The following RFX8 variants were observed in gnomAD, a reference collection of about 807,000 sequenced individuals.
The protein encoded by RFX8 is regulatory factor X8.
In RFX8, 46 loss-of-function variants were observed where a neutral mutation model predicts 54.6. That is an observed-to-expected ratio of 0.84 (90% CI 0.67 to 1.08). RFX8 has a LOEUF of 1.08. Ranked by LOEUF, RFX8 falls within the 50% of genes least tolerant of loss-of-function variation. The pLI, the probability that RFX8 is intolerant of heterozygous loss-of-function variation, is 0.00. For synonymous variants in RFX8, 192 were observed against 209.5 expected (o/e 0.92, Z 0.72); for missense variants, 536 against 562.3 (o/e 0.95, Z 0.47).
chr2:101,406,434 C>T (rs985263723), intron 9 of RFX8, among the ~76,000 whole-genome samples: 22 of 148,006 alleles, frequency 1.5e-4, no homozygotes, highest in African/African-American at 5.2e-4. Flanking sequence ...TGGGCTTAAG[C>T]GATCTTCCCA....
intron 2 of RFX8, among the ~76,000 whole-genome samples, chr2:101,437,702 A>C (rs1687854804): frequency 6.6e-6 from 1 of 152,258 alleles, no homozygotes; most frequent in Admixed American, 6.5e-5. Context: ...CGATGGTTAC[A>C]TTTTACAAAA....
rs1490010880 is a variant in RFX8, at chr2:101,422,484, TTG to T, written c.73-14_73-13del. The T allele has an allele frequency of 7.1e-7, 1 of 1,413,716 alleles. No individual in the cohort carries two copies. Among genetic ancestry groups the T allele is most frequent in the Admixed American group, 2.0e-5 (1 of 50,804 alleles). The allele number at this position is 1,413,716 out of a possible 1,614,324, so 87.6% of individuals were successfully genotyped here. A position where few individuals can be genotyped will look rare whatever the true frequency, so the allele number is the denominator to read the frequency against. ...GAATGATCTTCACACTAAAAATCAT[TTG>T]TGCAATGGATTATGTCTTTAAAATA... On this transcript the variant is annotated splice_polypyrimidine_tract_variant and intron_variant, in intron 2 of 11. Coordinates refer to ENST00000428343, the MANE Select transcript of RFX8 (RefSeq NM_001145664.2).
intron 2 of RFX8, among the ~76,000 whole-genome samples, chr2:101,430,670 G>A (rs1019368671): frequency 6.6e-6 from 1 of 152,132 alleles, no homozygotes; most frequent in Non-Finnish European, 1.5e-5. Context: ...CCAGTCGGTG[G>A]TATTTTGTTA....
At position 101,474,876 on chromosome 2, in the gene RFX8, G is replaced by C. The variant is rs1353494708; in HGVS notation, c.-293C>G. Among the ~76,000 whole-genome samples, 3 of 151,272 alleles carry C rather than the reference G, an allele frequency of 2.0e-5. No individual in the cohort carries two copies. Among genetic ancestry groups the C allele is most frequent in the African/African-American group, 7.3e-5 (3 of 41,136 alleles). ...GTGCCCGCCGTTGCTGAAAACCACT[G>C]TCTCTAGGAGTTTTGAAAAATCTCG... On this transcript the variant is annotated 5_prime_UTR_variant, in exon 1 of 12. Transcript: ENST00000428343.
intron 2 of RFX8, among the ~76,000 whole-genome samples, chr2:101,454,748 G>T (rs535692940): frequency 1.0e-3 from 154 of 152,152 alleles, no homozygotes; most frequent in Non-Finnish European, 1.3e-3. Flanking sequence ...GGGGTTGTTT[G>T]TTTTTTTCTT....
At chr2:101,412,811 T>C (rs11689348) in intron 8 of RFX8, 104 bp downstream of exon 8, 331,522 of 1,115,596 alleles carry the variant, frequency 0.3, 50,893 homozygotes, top group South Asian at 0.4. Context: ...ATCGGAGTTA[T>C]AAAGTTCTAC....
intron 1 of RFX8, among the ~76,000 whole-genome samples, chr2:101,469,031 CGTATATATAT>C (rs1689758795): frequency 2.0e-4 from 3 of 15,324 alleles, no homozygotes; most frequent in African/African-American, 4.7e-4. Context: ...TATATATATA[CGTATATATAT>C]GTATATATAT....
chr2:101,412,158 G>A (rs906076921), intron 8 of RFX8, among the ~76,000 whole-genome samples: 7 of 152,242 alleles, frequency 4.6e-5, no homozygotes, highest in Admixed American at 3.9e-4. Context: ...ACACACACAG[G>A]GGAGCCTGGC....
chr2:101,404,767 GTC>G (rs1156559747), intron 10 of RFX8, among the ~76,000 whole-genome samples: 1 of 152,090 alleles, frequency 6.6e-6, no homozygotes, highest in African/African-American at 2.4e-5. Flanking sequence ...GAACTCTGCT[GTC>G]TCTCTGCTCT....
chr2:101,474,293 G>C (rs989917235), intron 1 of RFX8: 1 of 505,086 alleles, frequency 2.0e-6, no homozygotes, highest in African/African-American at 2.0e-5. Context: ...CCCCGGGCCT[G>C]CAGCACCGAG....
At chr2:101,432,165 C>T (rs1485653651) in intron 2 of RFX8, among the ~76,000 whole-genome samples, 1 of 152,156 alleles carries the variant, frequency 6.6e-6, no homozygotes, top group Non-Finnish European at 1.5e-5. Flanking sequence ...GACTGGCTTA[C>T]AACACGGGTC....
At chr2:101,474,587 G>C (rs1263251178) in intron 1 of RFX8, 49 bp downstream of exon 1, 1 of 271,900 alleles carries the variant, frequency 3.7e-6, no homozygotes, top group Non-Finnish European at 6.9e-6. Context: ...CCTTCCCACC[G>C]GCGTAGCAAC....
At chr2:101,456,543 T>C (rs1296026773) in intron 2 of RFX8, among the ~76,000 whole-genome samples, 1 of 152,238 alleles carries the variant, frequency 6.6e-6, no homozygotes, top group Non-Finnish European at 1.5e-5. Flanking sequence ...GAACCAGCCT[T>C]GCAGCCCAGG....
intron 1 of RFX8, among the ~76,000 whole-genome samples, chr2:101,467,656 C>T (rs1365459472): frequency 2.0e-5 from 3 of 152,170 alleles, no homozygotes; most frequent in Non-Finnish European, 2.9e-5. Flanking sequence ...TACCCAAATG[C>T]TCCTGGTCTG....
At position 101,440,825 on chromosome 2, in the gene RFX8, G is replaced by A. The variant is rs753854643; in HGVS notation, c.73-18353C>T. Among the ~76,000 whole-genome samples the A allele has an allele frequency of 7.0e-4, 107 of 152,140 alleles. 2 individuals are homozygous for A. Among genetic ancestry groups the A allele is most frequent in the Admixed American group, 2.0e-4 (3 of 15,268 alleles). On this transcript the variant is annotated intron_variant, in intron 2 of 11. Coordinates refer to ENST00000428343, the MANE Select transcript of RFX8 (RefSeq NM_001145664.2). ...CTGAAGTACGGCTCCAGCGTTACTC[G>A]AGAAAAAGAAAGGGCAGTTTGATTG...
chr2:101,406,092 T>C (rs1558837277), intron 9 of RFX8, 35 bp from the exon 10 acceptor site: 1 of 1,254,946 alleles, frequency 8.0e-7, no homozygotes, highest in Admixed American at 2.2e-5. Flanking sequence ...GGCTGCAGTT[T>C]GTAATAAAAT....
intron 2 of RFX8, among the ~76,000 whole-genome samples, chr2:101,423,850 G>A (rs1201127455): frequency 6.6e-6 from 1 of 152,074 alleles, no homozygotes; most frequent in East Asian, 1.9e-4. Flanking sequence ...CCTCCTCTCC[G>A]ATGCCCCAGT....
At chr2:101,417,048 G>GATC (rs1332663251) in intron 6 of RFX8, among the ~76,000 whole-genome samples, 2 of 152,276 alleles carry the variant, frequency 1.3e-5, no homozygotes, top group African/African-American at 4.8e-5. Flanking sequence ...GGGTGTGGCT[G>GATC]GATCAGCACA....
At chr2:101,424,837 C>G (rs921117332) in intron 2 of RFX8, among the ~76,000 whole-genome samples, 4 of 151,922 alleles carry the variant, frequency 2.6e-5, no homozygotes, top group Non-Finnish European at 5.9e-5. Flanking sequence ...GGACACAGGG[C>G]GGGGAACATC....
Sources: allele counts gnomAD v4.1 joint callset (sites outside exome capture counted in the v4.1 genomes callset), GRCh38; gene constraint gnomAD v4.1.1; transcripts MANE v1.5; gene names NCBI Gene and HGNC (gene_info 2026-07-23, HGNC 2026-07-21).